PRELID2: variants seen among roughly 807,000 people sequenced by gnomAD.
PRELID2 encodes the protein PRELI domain containing 2.
In PRELID2, 25 loss-of-function variants were observed where a neutral mutation model predicts 28.4. The observed-to-expected ratio is 0.88, with a 90% CI of 0.64 to 1.23. The LOEUF (loss-of-function observed/expected upper bound fraction) is 1.23, where lower values mean the gene tolerates loss of function less well. PRELID2 is among the 50% of genes most tolerant of loss of function. The probability of loss-of-function intolerance (pLI) is 0.00; values close to 1 mark genes in which losing one functional copy is unlikely to be tolerated. For missense variants in PRELID2, 201 were observed against 214.4 expected (o/e 0.94, Z 0.39); for synonymous variants, 76 against 71.6 (o/e 1.06, Z -0.31).
chr5:145,334,936 G>C, the PRELID2 span, among the ~76,000 whole-genome samples: 1 of 151,860 alleles, frequency 6.6e-6, no homozygotes, highest in Non-Finnish European at 1.5e-5. Context: ...TGAAAACTTG[G>C]TTATAATATA....
chr5:145,738,423 C>G (rs911548756), intron 1 of PRELID2, among the ~76,000 whole-genome samples: 1 of 151,942 alleles, frequency 6.6e-6, no homozygotes, highest in Non-Finnish European at 1.5e-5. Flanking sequence ...CACAAAAATG[C>G]TTTGGTAAGC....
At chr5:145,463,892 C>A in the PRELID2 span, among the ~76,000 whole-genome samples, 1 of 152,098 alleles carries the variant, frequency 6.6e-6, no homozygotes, top group African/African-American at 2.4e-5. Flanking sequence ...ATAAAAGTTA[C>A]CAAAGCTTTT....
chr5:145,810,108 A>G lies in PRELID2; in HGVS notation c.368+7786T>C, dbSNP rs562947540. 2.0e-5 allele frequency among the ~76,000 whole-genome samples: 3 copies of G among 152,330 alleles called. No individual in the cohort carries two copies. The East Asian group carries it at 5.8e-4, about 29-fold the overall frequency. On this transcript the variant is annotated intron_variant, in intron 4 of 6. Coordinates refer to ENST00000683046, the MANE Select transcript of PRELID2 (RefSeq NM_205846.3). The stretch of plus-strand genomic sequence containing the variant: ...AACCATGACTTTTTTCTTCCTTCTG[A>G]AAAGTCTAAAACAATACACTTCAGT...
the PRELID2 span, among the ~76,000 whole-genome samples, chr5:145,388,840 T>C: frequency 2.6e-4 from 39 of 152,328 alleles, no homozygotes; most frequent in African/African-American, 9.4e-4. Flanking sequence ...TCTCCCATCA[T>C]TCTCCATCAT....
chr5:145,447,167 T>C, the PRELID2 span, among the ~76,000 whole-genome samples: 1 of 151,916 alleles, frequency 6.6e-6, no homozygotes, highest in East Asian at 1.9e-4. Context: ...TTGTTGGTTA[T>C]ATAGGCCTGG....
rs914808515 is a variant in PRELID2 at position 145,697,993 on chromosome 5, A to AAAAT, written n.70+66937_70+66938insATTT. The stretch of plus-strand genomic sequence containing the variant: ...GATTGTCCTAATGTCCCTCAAAAAA[A>AAAAT]ATATATATATATATATACATGAAGT... On this transcript the variant is annotated intron_variant and non_coding_transcript_variant, in intron 1 of 2. Transcript: ENST00000510259. 4.5e-3 allele frequency among the ~76,000 whole-genome samples: 675 copies of AAAAT among 149,976 alleles called. 4 individuals are homozygous for AAAAT. The highest frequency in any genetic ancestry group is 0.015 in the African/African-American group (632 of 41,146).
chr5:145,373,693 T>A, the PRELID2 span, among the ~76,000 whole-genome samples: 12 of 48,220 alleles, frequency 2.5e-4, no homozygotes, highest in Non-Finnish European at 3.1e-4. Flanking sequence ...TATATGATAT[T>A]ATATATTACA....
chr5:145,722,197 C>T (rs1415253049), intron 1 of PRELID2, among the ~76,000 whole-genome samples: 2 of 151,978 alleles, frequency 1.3e-5, no homozygotes, highest in South Asian at 2.1e-4. Context: ...AAAAAAAAAT[C>T]GGTAAGTCAC....
intron 1 of PRELID2, among the ~76,000 whole-genome samples, chr5:145,681,235 C>T (rs2149689086): frequency 6.6e-6 from 1 of 152,328 alleles, no homozygotes; most frequent in Non-Finnish European, 1.5e-5. Context: ...CAGTGCTCCT[C>T]TGAGGATAAA....
At chr5:145,824,463 T>TGTGTGAGA (rs373555427) in intron 1 of PRELID2, among the ~76,000 whole-genome samples, 23 of 143,548 alleles carry the variant, frequency 1.6e-4, no homozygotes, top group Admixed American at 2.8e-4. Context: ...TGTGTGTGTG[T>TGTGTGAGA]GATATTGATT....
chr5:145,726,268 A>G (rs549026492), intron 1 of PRELID2, among the ~76,000 whole-genome samples: 76 of 137,224 alleles, frequency 5.5e-4, no homozygotes, highest in Non-Finnish European at 1.1e-3. Flanking sequence ...ACGGAGGGGG[A>G]AAGAGAGAAA....
chr5:145,513,800 G>A (rs376254955), intron 1 of PRELID2, among the ~76,000 whole-genome samples: 4 of 152,276 alleles, frequency 2.6e-5, no homozygotes, highest in East Asian at 1.9e-4. Flanking sequence ...GGATCTCTCT[G>A]CCAAAACCCT....
intron 4 of PRELID2, among the ~76,000 whole-genome samples, chr5:145,817,023 A>G (rs1368093903): frequency 1.3e-5 from 2 of 150,618 alleles, no homozygotes; most frequent in Admixed American, 1.3e-4. Flanking sequence ...TTAACAAGGC[A>G]TGGTGACACA....
the PRELID2 span, among the ~76,000 whole-genome samples, chr5:145,462,983 A>G: frequency 6.6e-6 from 1 of 152,188 alleles, no homozygotes; most frequent in African/African-American, 2.4e-5. Context: ...CAAACCCTTG[A>G]GTGATATAAA....
At chr5:145,806,249 T>TTTTTGTACAATGTACAATTGTACAA (rs1753498925) in intron 4 of PRELID2, among the ~76,000 whole-genome samples, 1 of 152,220 alleles carries the variant, frequency 6.6e-6, no homozygotes, top group Non-Finnish European at 1.5e-5. Flanking sequence ...ACACATTGCA[T>TTTTTGTACAATGTACAATTGTACAA]AACTGTACAA....
chr5:145,328,062 G>C, the PRELID2 span, among the ~76,000 whole-genome samples: 2 of 152,048 alleles, frequency 1.3e-5, no homozygotes, highest in South Asian at 4.1e-4. Flanking sequence ...GTGCTAGTTT[G>C]CTGAGAATGG....
intron 1 of PRELID2, among the ~76,000 whole-genome samples, chr5:145,718,158 T>C (rs962005313): frequency 3.3e-5 from 5 of 151,976 alleles, no homozygotes; most frequent in African/African-American, 1.2e-4. Context: ...GTAGATTACA[T>C]ATGGTCATCT....
chr5:145,565,673 A>G (rs1752959614), intron 1 of PRELID2, among the ~76,000 whole-genome samples: 1 of 152,204 alleles, frequency 6.6e-6, no homozygotes, highest in Admixed American at 6.5e-5. Flanking sequence ...TTACTGGGTC[A>G]CTTAACTGAA....
chr5:145,827,452 A>T (rs778559782), intron 1 of PRELID2, among the ~76,000 whole-genome samples: 10 of 152,234 alleles, frequency 6.6e-5, no homozygotes, highest in Non-Finnish European at 8.8e-5. Context: ...AACAAAGGGC[A>T]ACGAGCCAAG....
Sources: gnomAD v4.1 joint callset for allele counts (sites outside exome capture counted in the v4.1 genomes callset) on GRCh38, gnomAD v4.1.1 for gene constraint, MANE v1.5 for transcripts, NCBI Gene and HGNC (gene_info 2026-07-23, HGNC 2026-07-21) for gene names.